Variants in CCDC40 observed in about 807,000 individuals in gnomAD.
The protein encoded by CCDC40 is coiled-coil domain 40 molecular ruler complex subunit.
CCDC40 carries 104 observed loss-of-function variants against 124.5 expected under a neutral mutation model. The ratio of observed to expected loss-of-function variants is 0.84; its 90% CI spans 0.71 to 0.98. The LOEUF is 0.98. Ranked by LOEUF, CCDC40 falls within the 50% of genes least tolerant of loss-of-function variation. The pLI is 0.00. For synonymous variants in CCDC40, 580 were observed against 602.9 expected (o/e 0.96, Z 0.56); for missense variants, 1,463 against 1,503.9 (o/e 0.97, Z 0.45).
intron 4 of CCDC40, among the ~76,000 whole-genome samples, chr17:80,047,912 G>A (rs970145888): frequency 2.0e-5 from 3 of 152,166 alleles, no homozygotes; most frequent in Non-Finnish European, 2.9e-5. Flanking sequence ...CTGTGGTACC[G>A]ACCTGCAGCC....
At chr17:80,098,860 A>C (rs2038858400) in intron 19 of CCDC40, 1 of 152,164 alleles carries the variant, frequency 6.6e-6, no homozygotes, top group South Asian at 2.1e-4. Flanking sequence ...GGGTGCCTGT[A>C]ATTCCAGCTA....
Position 80,041,424 on chromosome 17 carries a change from CTT to C in CCDC40, c.552+1155_552+1156del, listed in dbSNP as rs574661269. Among the ~76,000 whole-genome samples the C allele has an allele frequency of 3.1e-4, 47 of 151,962 alleles. 1 individual carries two copies. The South Asian group carries it at 9.0e-3, about 29-fold the overall frequency. Reference sequence around the variant, plus strand: ...TCGGGAGGCTGAGGCAGGAGAATCACTTGAACTGGAGAGGCAGGGGTTGCCGT... The same window carrying C: ...TCGGGAGGCTGAGGCAGGAGAATCACGAACTGGAGAGGCAGGGGTTGCCGT... On this transcript the variant is annotated intron_variant, in intron 3 of 19. Coordinates refer to ENST00000397545, the MANE Select transcript of CCDC40 (RefSeq NM_017950.4).
Position 80,086,381 on chromosome 17 carries a change from A to G in CCDC40, c.2449+165A>G, listed in dbSNP as rs1332807533. ...TCCCTGTATTTTGTAAATGTGAACCACTGCCTGCCCAGCTGCCCAGTTCGC... is the reference window on the plus strand; with the variant it reads ...TCCCTGTATTTTGTAAATGTGAACCGCTGCCTGCCCAGCTGCCCAGTTCGC... On this transcript the variant is annotated intron_variant, in intron 14 of 19. Transcript: ENST00000397545. The surrounding 1 kb of genome is among the most constrained non-coding windows in gnomAD (Gnocchi z 5.5). The G allele has an allele frequency of 1.5e-6, 1 of 645,844 alleles. No homozygotes were observed. The highest frequency in any genetic ancestry group is 2.8e-6 in the Non-Finnish European group (1 of 361,928). 40.0% of individuals were successfully genotyped at this position (645,844 alleles called of 1,614,324 possible). A position where few individuals can be genotyped will look rare whatever the true frequency, so the allele number is the denominator to read the frequency against.
chr17:80,089,294 G>A (rs375160080), intron 16 of CCDC40, among the ~76,000 whole-genome samples: 30 of 152,218 alleles, frequency 2.0e-4, no homozygotes, highest in Non-Finnish European at 2.4e-4. Context: ...AGCGTGCTCC[G>A]GAAGGGATGA....
At chr17:80,071,558 C>T (rs550319606) in intron 10 of CCDC40, among the ~76,000 whole-genome samples, 4 of 152,288 alleles carry the variant, frequency 2.6e-5, no homozygotes, top group African/African-American at 4.8e-5. Flanking sequence ...AGACAGTCCC[C>T]GACGTCACGA....
At position 80,058,637 on chromosome 17, in the gene CCDC40, G is replaced by C. The variant is rs62000409; in HGVS notation, c.1303G>C (p.Glu435Gln). Residue 435 changes from glutamate (E) to glutamine (Q), a missense_variant, in exon 8 of 20, where the codon GAG becomes CAG. Transcript: ENST00000397545. The surrounding 1 kb of genome is among the most constrained non-coding windows in gnomAD (Gnocchi z 4.2). ...GACGGAGAGGATCCGGGCAGAAATC[G>C]AGAAGAAAAAGCAGGTATTCTGCAA... is the stretch of plus-strand genomic sequence containing the variant. ...AETERIRAEI[E>Q]KKKQDLYVDQ... The C allele has an allele frequency of 3.1e-6, 5 of 1,614,216 alleles. No homozygotes were observed. The highest frequency in any genetic ancestry group is 1.3e-5 in the African/African-American group (1 of 75,068).
chr17:80,047,551 G>A, intron 4 of CCDC40, 149 bp downstream of exon 4: 1 of 770,288 alleles, frequency 1.3e-6, no homozygotes, highest in Non-Finnish European at 2.2e-6. Flanking sequence ...AACAGATATG[G>A]ATAACATTTA....
chr17:80,064,361 G>C (rs1043985286), intron 9 of CCDC40, among the ~76,000 whole-genome samples: 6 of 152,062 alleles, frequency 3.9e-5, no homozygotes, highest in African/African-American at 1.5e-4. Flanking sequence ...GCTGACTCGG[G>C]CCGCCAGCTT....
rs531364522 is a variant in CCDC40 at position 80,085,758 on chromosome 17, C to G, written c.2236-245C>G. ...GCCATCTTGCTCACTGCACATCTGC[C>G]TCCTGAGTTCAAGCGATTCTCCTGC... is the stretch of plus-strand genomic sequence containing the variant. On this transcript the variant is annotated intron_variant, in intron 13 of 19. Coordinates refer to ENST00000397545, the MANE Select transcript of CCDC40 (RefSeq NM_017950.4). 3.0e-4 allele frequency among the ~76,000 whole-genome samples: 45 copies of G among 151,398 alleles called. No homozygotes were observed. In the South Asian group the frequency reaches 8.6e-3, roughly 29 times the overall value.
chr17:80,074,406 A>C (rs1404463236), intron 10 of CCDC40, among the ~76,000 whole-genome samples: 1 of 152,110 alleles, frequency 6.6e-6, no homozygotes. Context: ...AATCACTTGA[A>C]CCCAGGAGGC....
At chr17:80,090,763 G>A in intron 17 of CCDC40, 4 of 1,363,046 alleles carry the variant, frequency 2.9e-6, no homozygotes, top group South Asian at 1.6e-5. Flanking sequence ...GGGCCTTAAG[G>A]ATAACAGTAA....
chr17:80,038,143 C>T lies in CCDC40; in HGVS notation c.50C>T (p.Ser17Leu), dbSNP rs756881753. Residue 17 changes from serine (S) to leucine (L), a missense_variant, in exon 2 of 20, where the codon TCG becomes TTG. By Grantham distance (145) the Ser-to-Leu change is moderately radical. Transcript: ENST00000397545. ...ACCAGGTCCCATCCGGAAGATGGAT[C>T]GGCTTCTGAGGGAGAGAAGGAAGGG... ...AAGRSHPEDG[S>L]ASEGEKEGNN... is the part of the protein sequence containing the mutation. The T allele has an allele frequency of 3.1e-6, 5 of 1,610,674 alleles. No homozygotes were observed. Among genetic ancestry groups the T allele is most frequent in the East Asian group, 2.2e-5 (1 of 44,846 alleles).
chr17:80,099,769 C>T lies in CCDC40; in HGVS notation c.3423C>T (p.Pro1141=). Residue 1141 remains proline, a synonymous_variant, in exon 20 of 20, where the codon CCC becomes CCT. Coordinates refer to ENST00000397545, the MANE Select transcript of CCDC40 (RefSeq NM_017950.4). ...CCAACAAGCTCGAGTCACCAGGGCC[C>T]TCCTAGGGAGCAGCCTGGACTCCGC... ...MIANKLESPG[P]S is the part of the protein sequence containing the mutation. 1.2e-6 allele frequency: 2 copies of T among 1,612,724 alleles called. No homozygotes were observed. The highest frequency in any genetic ancestry group is 1.1e-5 in the South Asian group (1 of 91,060).
intron 10 of CCDC40, among the ~76,000 whole-genome samples, chr17:80,065,894 G>C (rs1470814919): frequency 1.3e-5 from 2 of 152,236 alleles, no homozygotes; most frequent in East Asian, 3.8e-4. Flanking sequence ...AGCTATCTTT[G>C]GGAGGTAAAG....
chr17:80,081,813 G>T, intron 11 of CCDC40, 24 bp downstream of exon 11: 1 of 1,613,952 alleles, frequency 6.2e-7, no homozygotes, highest in South Asian at 1.1e-5. Context: ...CGCCCCACAG[G>T]TCACACCTGG....
intron 10 of CCDC40, among the ~76,000 whole-genome samples, chr17:80,076,728 T>A (rs982355854): frequency 1.3e-5 from 2 of 151,992 alleles, no homozygotes; most frequent in Non-Finnish European, 2.9e-5. Context: ...TTGTTAGCAT[T>A]TTTTAGCAAT....
At chr17:80,065,644 C>A (rs772334290) in intron 10 of CCDC40, 38 bp downstream of exon 10, 2 of 1,609,712 alleles carry the variant, frequency 1.2e-6, no homozygotes, top group Middle Eastern at 2.1e-4. Context: ...TGTGCGGGAA[C>A]CCCAGGGGTC....
At chr17:80,061,068 G>A (rs569625722) in intron 9 of CCDC40, among the ~76,000 whole-genome samples, 7 of 152,264 alleles carry the variant, frequency 4.6e-5, no homozygotes, top group South Asian at 2.1e-4. Flanking sequence ...AGGAGGGGCC[G>A]GGTAAGGTGG....
chr17:80,043,823 C>A (rs2037346891), intron 3 of CCDC40, among the ~76,000 whole-genome samples: 1 of 151,998 alleles, frequency 6.6e-6, no homozygotes, highest in Non-Finnish European at 1.5e-5. Context: ...CCGGCCTCCT[C>A]TTCCATATTT....
Sources: gnomAD v4.1 joint callset for allele counts (sites outside exome capture counted in the v4.1 genomes callset) on GRCh38, gnomAD v4.1.1 for gene constraint, Gnocchi (gnomAD v3.1) non-coding constraint, MANE v1.5 for transcripts, NCBI Gene and HGNC (gene_info 2026-07-23, HGNC 2026-07-21) for gene names.